Variants in ATP6V1H observed in about 807,000 individuals in gnomAD.
ATP6V1H encodes the protein ATPase H+ transporting V1 subunit H.
Under a neutral mutation model 71.7 loss-of-function variants are expected in ATP6V1H, and 39 were observed. That is an observed-to-expected ratio of 0.54 (90% CI 0.42 to 0.71). The LOEUF (loss-of-function observed/expected upper bound fraction) is 0.71. ATP6V1H is among the 30% of genes least tolerant of loss of function. ATP6V1H has a pLI of 0.00. For synonymous variants in ATP6V1H, 192 were observed against 199.3 expected (o/e 0.96, Z 0.31); for missense variants, 509 against 594.9 (o/e 0.86, Z 1.50).
In ATP6V1H at chr8:53,715,858, C is replaced by T; in HGVS notation, c.*106G>A. 1 of 920,054 alleles carries T rather than the reference C, an allele frequency of 1.1e-6. No homozygotes were observed. Among genetic ancestry groups the T allele is most frequent in the Non-Finnish European group, 1.6e-6 (1 of 615,508 alleles). The allele number at this position is 920,054 out of a possible 1,614,324, so 57.0% of individuals were successfully genotyped here. A position where few individuals can be genotyped will look rare whatever the true frequency, so the allele number is the denominator to read the frequency against. ...ATTAGCATTGGGAAAAGCTATATAACAGAGGAAATTCCAAGTAAAATCAAA... is the reference window on the plus strand; with the variant it reads ...ATTAGCATTGGGAAAAGCTATATAATAGAGGAAATTCCAAGTAAAATCAAA... On this transcript the variant is annotated 3_prime_UTR_variant, in exon 14 of 14. Transcript: ENST00000359530.
At chr8:53,734,248 G>A (rs1415751883) in intron 13 of ATP6V1H, among the ~76,000 whole-genome samples, 2 of 152,178 alleles carry the variant, frequency 1.3e-5, no homozygotes, top group African/African-American at 2.4e-5. Context: ...AGAAAGCCCT[G>A]TCGAGCATAA....
At chr8:53,792,609 AG>A (rs1157385909) in intron 9 of ATP6V1H, among the ~76,000 whole-genome samples, 2 of 152,172 alleles carry the variant, frequency 1.3e-5, no homozygotes, top group Non-Finnish European at 2.9e-5. Context: ...CATCGAGACA[AG>A]AAAAAAAGGA....
chr8:53,835,499 T>C (rs1224506484), intron 2 of ATP6V1H, among the ~76,000 whole-genome samples: 1 of 152,208 alleles, frequency 6.6e-6, no homozygotes. Context: ...GATTATTACA[T>C]ATTCAAAAAT....
At chr8:53,817,775 G>T (rs1810499375) in intron 4 of ATP6V1H, among the ~76,000 whole-genome samples, 1 of 152,022 alleles carries the variant, frequency 6.6e-6, no homozygotes, top group African/African-American at 2.4e-5. Flanking sequence ...AAGACTACAA[G>T]TTACACTTCT....
intron 7 of ATP6V1H, chr8:53,806,886 T>C (rs557570726): frequency 1.5e-5 from 7 of 454,478 alleles, no homozygotes; most frequent in African/African-American, 8.0e-5. Context: ...AATGGTCATA[T>C]GGATACTTCA....
At position 53,817,319 on chromosome 8, in the gene ATP6V1H, C is replaced by T. The variant is rs1810483002; in HGVS notation, c.420+98G>A. The T allele has an allele frequency of 6.9e-6, 5 of 724,478 alleles. No homozygotes were observed. In the Admixed American group the frequency reaches 1.5e-4, roughly 21 times the overall value. 44.9% of individuals were successfully genotyped at this position (724,478 alleles called of 1,614,324 possible). ...TTGGGAGGCCAAGGCAGGCGGACTGCTTGAGCCCTAAAGTTCAAGACCAGC... is the reference window on the plus strand; with the variant it reads ...TTGGGAGGCCAAGGCAGGCGGACTGTTTGAGCCCTAAAGTTCAAGACCAGC... On this transcript the variant is annotated intron_variant, in intron 5 of 13. Transcript: ENST00000359530.
chr8:53,819,676 A>T (rs1367780826), intron 4 of ATP6V1H, among the ~76,000 whole-genome samples: 5 of 104,130 alleles, frequency 4.8e-5, no homozygotes, highest in South Asian at 3.2e-4. Context: ...ATATATACAT[A>T]TGTATATACA....
At chr8:53,797,490 C>T (rs111780071) in intron 8 of ATP6V1H, among the ~76,000 whole-genome samples, 6 of 152,290 alleles carry the variant, frequency 3.9e-5, no homozygotes, top group Non-Finnish European at 7.4e-5. Context: ...GGCTTTTCCT[C>T]GGAGTTCAGA....
At chr8:53,741,155 ACAC>A (rs1807400279) in intron 13 of ATP6V1H, among the ~76,000 whole-genome samples, 1 of 152,228 alleles carries the variant, frequency 6.6e-6, no homozygotes, top group South Asian at 2.1e-4. Flanking sequence ...TTATAATCAC[ACAC>A]AGAAAAATGT....
intron 2 of ATP6V1H, among the ~76,000 whole-genome samples, 174 bp downstream of exon 2, chr8:53,841,404 T>G (rs1811336620): frequency 6.6e-6 from 1 of 152,226 alleles, no homozygotes; most frequent in Admixed American, 6.5e-5. Context: ...GGCGCCAAGC[T>G]GTTTCCACCC....
intron 9 of ATP6V1H, among the ~76,000 whole-genome samples, chr8:53,792,803 T>G (rs144549824): frequency 1.0e-3 from 154 of 152,268 alleles, no homozygotes; most frequent in Non-Finnish European, 3.2e-4. Flanking sequence ...TTAATAAATT[T>G]TAACAATTAT....
At chr8:53,777,204 C>T (rs185830849) in intron 9 of ATP6V1H, among the ~76,000 whole-genome samples, 1 of 152,298 alleles carries the variant, frequency 6.6e-6, no homozygotes, top group Non-Finnish European at 1.5e-5. Context: ...AGATGCAACT[C>T]TACAAATCTG....
intron 13 of ATP6V1H, among the ~76,000 whole-genome samples, chr8:53,733,363 T>C (rs1003327545): frequency 3.9e-5 from 6 of 152,160 alleles, no homozygotes; most frequent in Non-Finnish European, 8.8e-5. Flanking sequence ...TCCCCCACTA[T>C]CTTCAGGGAG....
chr8:53,774,795 C>T (rs1460642073), intron 9 of ATP6V1H, among the ~76,000 whole-genome samples: 6 of 152,160 alleles, frequency 3.9e-5, no homozygotes, highest in Non-Finnish European at 7.4e-5. Context: ...TCAGGTAAAA[C>T]TCAGCCGGAA....
chr8:53,749,855 T>C (rs1272761385), intron 12 of ATP6V1H, among the ~76,000 whole-genome samples: 1 of 152,176 alleles, frequency 6.6e-6, no homozygotes, highest in East Asian at 1.9e-4. Flanking sequence ...GCCAGACTTG[T>C]GCTATTAAGT....
intron 13 of ATP6V1H, among the ~76,000 whole-genome samples, chr8:53,717,931 A>G (rs1563433581): frequency 6.6e-6 from 1 of 152,186 alleles, no homozygotes; most frequent in Non-Finnish European, 1.5e-5. Context: ...CCACTCTCCA[A>G]TGACAGTAAG....
chr8:53,776,203 G>A (rs1023479847), intron 9 of ATP6V1H, among the ~76,000 whole-genome samples: 22 of 152,164 alleles, frequency 1.4e-4, no homozygotes, highest in Non-Finnish European at 2.8e-4. Context: ...TTTGGGGCCC[G>A]CCAAGCCCAC....
In ATP6V1H at chr8:53,750,393, G is replaced by A. The variant is rs930655988; in HGVS notation, c.1277+6162C>T. Among the ~76,000 whole-genome samples the A allele has an allele frequency of 2.0e-5, 3 of 152,240 alleles. No individual in the cohort carries two copies. In the South Asian group the frequency reaches 6.2e-4, roughly 32 times the overall value. ...AGTGATCAAAGAAAAGGATGGATAG[G>A]AAATGTGATATTCAGTACACTAAAT... On this transcript the variant is annotated intron_variant, in intron 12 of 13. Transcript: ENST00000359530.
chr8:53,763,947 T>G (rs556014583), intron 11 of ATP6V1H, among the ~76,000 whole-genome samples: 10 of 152,192 alleles, frequency 6.6e-5, no homozygotes, highest in Non-Finnish European at 1.5e-4. Flanking sequence ...GAGTCCAGTC[T>G]TATGGAAGTT....
Sources: allele counts gnomAD v4.1 joint callset (sites outside exome capture counted in the v4.1 genomes callset), GRCh38; gene constraint gnomAD v4.1.1; transcripts MANE v1.5; gene names NCBI Gene and HGNC (gene_info 2026-07-23, HGNC 2026-07-21).